RBMS3: variants seen among roughly 807,000 people sequenced by gnomAD.
RBMS3 encodes the protein RNA binding motif single stranded interacting protein 3.
RBMS3 carries 27 observed loss-of-function variants against 66.8 expected under a neutral mutation model. The observed-to-expected ratio is 0.40, with a 90% CI of 0.30 to 0.56. RBMS3 has a LOEUF of 0.56. Ranked by LOEUF, RBMS3 falls within the 20% of genes least tolerant of loss-of-function variation. The pLI is 0.40. For missense variants in RBMS3, 513 were observed against 549.5 expected (o/e 0.93, Z 0.66); for synonymous variants, 188 against 183.0 (o/e 1.03, Z -0.22).
intron 6 of RBMS3, among the ~76,000 whole-genome samples, chr3:29,821,289 C>T (rs934332507): frequency 2.0e-5 from 3 of 152,032 alleles, no homozygotes; most frequent in African/African-American, 7.2e-5. Context: ...TCCATTGTCC[C>T]AGCATTTTGT....
chr3:29,323,690 AT>A (rs1227105036), intron 1 of RBMS3, among the ~76,000 whole-genome samples: 8 of 101,968 alleles, frequency 7.8e-5, no homozygotes, highest in African/African-American at 3.4e-4. Context: ...ACACACACAC[AT>A]ACACACACAC....
chr3:29,930,101 C>CTTTA (rs2061070537), intron 10 of RBMS3, among the ~76,000 whole-genome samples: 17 of 41,112 alleles, frequency 4.1e-4, no homozygotes, highest in Middle Eastern at 0.017. Context: ...TGTCACTTTT[C>CTTTA]TTTCTTTCTT....
chr3:29,474,182 A>T (rs1201390327), intron 2 of RBMS3, among the ~76,000 whole-genome samples: 4 of 152,256 alleles, frequency 2.6e-5, no homozygotes, highest in African/African-American at 9.6e-5. Flanking sequence ...GCAATTGTAG[A>T]CCATACACTT....
intron 4 of RBMS3, among the ~76,000 whole-genome samples, chr3:29,607,520 C>T (rs1250583892): frequency 6.6e-6 from 1 of 151,908 alleles, no homozygotes; most frequent in African/African-American, 2.4e-5. Context: ...CAAAAGGCCC[C>T]ACCACCCAAT....
chr3:29,989,029 T>C (rs543728291), intron 13 of RBMS3, among the ~76,000 whole-genome samples: 1 of 152,332 alleles, frequency 6.6e-6, no homozygotes, highest in East Asian at 1.9e-4. Context: ...CTGAACATCA[T>C]ATTTTTAAAA....
chr3:29,871,750 T>C (rs2149555501), intron 7 of RBMS3, among the ~76,000 whole-genome samples: 1 of 152,270 alleles, frequency 6.6e-6, no homozygotes, highest in Non-Finnish European at 1.5e-5. Context: ...ACGAAATTCT[T>C]AGGATACAAA....
At chr3:29,405,224 A>G (rs1426156521) in intron 1 of RBMS3, among the ~76,000 whole-genome samples, 1 of 152,166 alleles carries the variant, frequency 6.6e-6, no homozygotes, top group African/African-American at 2.4e-5. Context: ...GTTCTCTCTG[A>G]GAATCCAAGA....
At position 29,668,756 on chromosome 3, in the gene RBMS3, C is replaced by T. The variant is rs143788993; in HGVS notation, c.400-70964C>T. Among the ~76,000 whole-genome samples, 20 of 152,298 alleles carry T rather than the reference C, an allele frequency of 1.3e-4. No individual in the cohort carries two copies. In the East Asian group the frequency reaches 3.9e-3, roughly 29 times the overall value. On this transcript the variant is annotated intron_variant, in intron 4 of 14. Coordinates refer to ENST00000383767, the MANE Select transcript of RBMS3 (RefSeq NM_001003793.3). ...TTCACAGAATCACAGAATTTAAGAG[C>T]TTGCCTGATCCTTGATATCCTTTTG...
At chr3:29,322,718 A>G (rs2035080555) in intron 1 of RBMS3, among the ~76,000 whole-genome samples, 1 of 152,022 alleles carries the variant, frequency 6.6e-6, no homozygotes, top group African/African-American at 2.4e-5. Context: ...GGATTTGTGG[A>G]TGGTTCCTTG....
chr3:29,729,623 A>G (rs1312772429), intron 4 of RBMS3, among the ~76,000 whole-genome samples: 1 of 152,070 alleles, frequency 6.6e-6, no homozygotes, highest in Non-Finnish European at 1.5e-5. Flanking sequence ...AAGCGTTCCT[A>G]TTTCTCCACA....
intron 6 of RBMS3, among the ~76,000 whole-genome samples, chr3:29,777,439 A>C (rs2056465708): frequency 6.6e-6 from 1 of 151,938 alleles, no homozygotes; most frequent in South Asian, 2.1e-4. Context: ...ATATTGCCTT[A>C]ATTCTCTCTT....
At chr3:29,641,609 T>G (rs2049716818) in intron 4 of RBMS3, among the ~76,000 whole-genome samples, 1 of 152,104 alleles carries the variant, frequency 6.6e-6, no homozygotes. Flanking sequence ...GGCAATGACT[T>G]TTAATTTTTT....
At chr3:29,865,848 C>T (rs1412178205) in intron 6 of RBMS3, among the ~76,000 whole-genome samples, 2 of 152,068 alleles carry the variant, frequency 1.3e-5, no homozygotes, top group Admixed American at 6.6e-5. Flanking sequence ...TATTTTCTTC[C>T]TCAAGGATGA....
chr3:29,747,533 AC>A (rs1351159361), intron 5 of RBMS3, among the ~76,000 whole-genome samples: 1 of 151,928 alleles, frequency 6.6e-6, no homozygotes, highest in Non-Finnish European at 1.5e-5. Flanking sequence ...ATGTACATAC[AC>A]CCACAAAAAA....
At chr3:29,602,309 G>A (rs147990811) in intron 4 of RBMS3, among the ~76,000 whole-genome samples, 56 of 152,122 alleles carry the variant, frequency 3.7e-4, no homozygotes, top group Non-Finnish European at 6.8e-4. Context: ...TGTCTGAAAC[G>A]TTCAGTCTTG....
intron 3 of RBMS3, among the ~76,000 whole-genome samples, chr3:29,521,121 C>T (rs374092478): frequency 6.6e-6 from 1 of 152,000 alleles, no homozygotes; most frequent in Non-Finnish European, 1.5e-5. Context: ...CCTATTTTAT[C>T]CCACCCCATC....
chr3:29,849,170 ATG>A (rs10571760), intron 6 of RBMS3, among the ~76,000 whole-genome samples: 55,465 of 141,388 alleles, frequency 0.39, 11,151 homozygotes, highest in Non-Finnish European at 0.48. Context: ...CACCAAAGGA[ATG>A]TGTGTGTGTG....
intron 10 of RBMS3, among the ~76,000 whole-genome samples, chr3:29,909,777 G>A (rs913992475): frequency 2.6e-5 from 4 of 151,940 alleles, no homozygotes; most frequent in East Asian, 3.9e-4. Context: ...GGGAGTATGC[G>A]GGGCATGTGT....
intron 4 of RBMS3, among the ~76,000 whole-genome samples, chr3:29,654,444 T>G (rs1220009244): frequency 6.6e-6 from 1 of 151,678 alleles, no homozygotes; most frequent in East Asian, 1.9e-4. Context: ...TAAAGGGTCC[T>G]GAAATGCAGA....
Sources: gnomAD v4.1 joint callset for allele counts (sites outside exome capture counted in the v4.1 genomes callset) on GRCh38, gnomAD v4.1.1 for gene constraint, MANE v1.5 for transcripts, NCBI Gene and HGNC (gene_info 2026-07-23, HGNC 2026-07-21) for gene names.